KLHL29: variants seen among roughly 807,000 people sequenced by gnomAD.
KLHL29 encodes the protein kelch-like protein 29.
In KLHL29, 21 loss-of-function variants were observed where a neutral mutation model predicts 80.4. The ratio of observed to expected loss-of-function variants is 0.26; its 90% CI spans 0.19 to 0.38. The LOEUF is 0.38. Among genes scored for constraint, KLHL29 ranks in the 10% least tolerant of loss-of-function variants. The pLI is 1.00. For missense variants in KLHL29, 867 were observed against 1,223.9 expected, an observed-to-expected ratio of 0.71 and a Z score of 4.35; for synonymous variants, 511 against 526.8, an observed-to-expected ratio of 0.97 and a Z score of 0.41.
At chr2:23,599,853 C>G (rs1055174956) in intron 3 of KLHL29, among the ~76,000 whole-genome samples, 1 of 152,228 alleles carries the variant, frequency 6.6e-6, no homozygotes, top group Non-Finnish European at 1.5e-5. Context: ...GTGCCTCTGT[C>G]CGCATGCTGG....
At chr2:23,518,326 G>A (rs1572372212) in intron 2 of KLHL29, among the ~76,000 whole-genome samples, 1 of 152,310 alleles carries the variant, frequency 6.6e-6, no homozygotes, top group East Asian at 1.9e-4. Context: ...TGTAAGCGTT[G>A]GAGCCTACCC....
intron 3 of KLHL29, among the ~76,000 whole-genome samples, chr2:23,599,920 C>T (rs6544984): frequency 0.59 from 90,081 of 152,054 alleles, 28,282 homozygotes; most frequent in South Asian, 0.74. Context: ...ACTCCAGGGT[C>T]CTCCTTAGGA....
chr2:23,644,418 C>G (rs1669864049), intron 5 of KLHL29: 1 of 152,256 alleles, frequency 6.6e-6, no homozygotes, highest in South Asian at 2.1e-4. Context: ...CACATAGCCC[C>G]TCTGGGCTAA....
At chr2:23,414,824 A>G (rs996034942) in intron 1 of KLHL29, among the ~76,000 whole-genome samples, 1 of 152,266 alleles carries the variant, frequency 6.6e-6, no homozygotes, top group African/African-American at 2.4e-5. Flanking sequence ...AACTAAATGC[A>G]TTGCATTTAA....
intron 2 of KLHL29, among the ~76,000 whole-genome samples, chr2:23,555,649 T>C (rs974703693): frequency 6.6e-6 from 1 of 152,198 alleles, no homozygotes; most frequent in African/African-American, 2.4e-5. Flanking sequence ...AGGACACTTT[T>C]TGGTGAGCAG....
chr2:23,412,070 T>C (rs1303154667), intron 1 of KLHL29, among the ~76,000 whole-genome samples: 1 of 149,466 alleles, frequency 6.7e-6, no homozygotes, highest in Admixed American at 6.8e-5. Context: ...TGAGGTGGTT[T>C]CCATGCTTGG....
At chr2:23,418,869 C>A (rs756948130) in intron 1 of KLHL29, among the ~76,000 whole-genome samples, 3 of 152,098 alleles carry the variant, frequency 2.0e-5, no homozygotes, top group Non-Finnish European at 4.4e-5. Flanking sequence ...CAATCCTGAT[C>A]CCCCCTTCCC....
chr2:23,542,679 A>G (rs924502191), intron 2 of KLHL29, among the ~76,000 whole-genome samples: 9 of 152,208 alleles, frequency 5.9e-5, no homozygotes, highest in African/African-American at 1.7e-4. Context: ...GGCCAGAGAG[A>G]GATCGTTCTT....
intron 5 of KLHL29, among the ~76,000 whole-genome samples, chr2:23,649,922 CAG>C (rs1234569293): frequency 1.3e-5 from 2 of 152,228 alleles, no homozygotes; most frequent in East Asian, 1.9e-4. Context: ...GGAGGCCACT[CAG>C]GGGCTTGAGT....
At chr2:23,600,595 G>C (rs1036558275) in intron 3 of KLHL29, among the ~76,000 whole-genome samples, 3 of 152,198 alleles carry the variant, frequency 2.0e-5, no homozygotes, top group African/African-American at 7.2e-5. Flanking sequence ...TCCTCTACCA[G>C]CTCAGCTGTT....
At chr2:23,390,240 G>A (rs1355550123) in intron 1 of KLHL29, among the ~76,000 whole-genome samples, 1 of 152,198 alleles carries the variant, frequency 6.6e-6, no homozygotes, top group East Asian at 1.9e-4. Flanking sequence ...CACCTTTAGG[G>A]TAGAAAGGAG....
At chr2:23,536,991 C>CTGT (rs1666689148) in intron 2 of KLHL29, among the ~76,000 whole-genome samples, 1 of 151,836 alleles carries the variant, frequency 6.6e-6, no homozygotes, top group Non-Finnish European at 1.5e-5. Context: ...GTGTAAAGGG[C>CTGT]TGTTCTGGAC....
At position 23,682,112 on chromosome 2, in the gene KLHL29, C is replaced by T. The variant is rs1671101077; in HGVS notation, c.941-2287C>T. On this transcript the variant is annotated intron_variant, in intron 5 of 13. Transcript: ENST00000486442. The surrounding 1 kb of genome is among the most constrained non-coding windows in gnomAD (Gnocchi z 4.1). ...AAACCTGTTAGTGGTCTCCATGCCT[C>T]CCCCTCCCCACTTCCTTCCTGCACT... 6.6e-6 allele frequency among the ~76,000 whole-genome samples: 1 copy of T among 152,146 alleles called. No homozygotes were observed. Among genetic ancestry groups the T allele is most frequent in the Admixed American group, 6.5e-5 (1 of 15,278 alleles).
At chr2:23,515,714 A>G (rs1335366061) in intron 2 of KLHL29, among the ~76,000 whole-genome samples, 5 of 152,270 alleles carry the variant, frequency 3.3e-5, no homozygotes, top group Non-Finnish European at 7.3e-5. Flanking sequence ...CAAATGGCAC[A>G]TGAAGTGCAG....
chr2:23,492,303 C>T (rs1665126763), intron 2 of KLHL29, among the ~76,000 whole-genome samples: 1 of 152,220 alleles, frequency 6.6e-6, no homozygotes, highest in Non-Finnish European at 1.5e-5. Flanking sequence ...CCTCCTTGCA[C>T]ACTGTTCATG....
At chr2:23,450,057 A>C (rs548843556) in intron 1 of KLHL29, among the ~76,000 whole-genome samples, 1 of 152,250 alleles carries the variant, frequency 6.6e-6, no homozygotes, top group African/African-American at 2.4e-5. Context: ...TTGACATCTC[A>C]AGCGGCAAGC....
chr2:23,701,107 A>G (rs898249880), intron 11 of KLHL29, among the ~76,000 whole-genome samples: 1 of 151,390 alleles, frequency 6.6e-6, no homozygotes, highest in African/African-American at 2.4e-5. Context: ...AACTGAAATC[A>G]CCCTCCTCCC....
rs553092974 is a variant in KLHL29, at chr2:23,695,999, T to C, written c.1790T>C (p.Met597Thr). 6.4e-7 allele frequency: 1 copy of C among 1,551,654 alleles called. No homozygotes were observed. The highest frequency in any genetic ancestry group is 1.4e-5 in the African/African-American group (1 of 73,156). ...GTTGGGGGCCGTCAGATGGTGGGGA[T>C]GACCCAGCGCTCGCTGGTGGCCGTC... The part of the protein sequence containing the change: ...VLVGGRQMVG[M>T]TQRSLVAVTC... Residue 597 changes from methionine (M) to threonine (T), a missense_variant, in exon 10 of 14, where the codon ATG (methionine) becomes ACG (threonine). Physicochemically the swap from Met to Thr is moderately conservative, Grantham distance 81 (BLOSUM62 -1). Coordinates refer to ENST00000486442, the MANE Select transcript of KLHL29 (RefSeq NM_052920.2). This position sits in a 1 kb window ranked among gnomAD's most constrained non-coding sequence, Gnocchi z 7.6.
chr2:23,705,767 A>C (rs7560892), intron 13 of KLHL29, among the ~76,000 whole-genome samples: 3 of 151,922 alleles, frequency 2.0e-5, no homozygotes, highest in African/African-American at 7.3e-5. Flanking sequence ...GCTGAAATGA[A>C]AGAGTGTCAG....
Sources: allele counts gnomAD v4.1 joint callset (sites outside exome capture counted in the v4.1 genomes callset), GRCh38; gene constraint gnomAD v4.1.1; non-coding constraint Gnocchi (gnomAD v3.1); transcripts MANE v1.5; gene names NCBI Gene and HGNC (gene_info 2026-07-23, HGNC 2026-07-21).